KIAA0513: variants seen among roughly 807,000 people sequenced by gnomAD.
KIAA0513 encodes uncharacterized protein KIAA0513.
KIAA0513 carries 39 observed loss-of-function variants against 56.5 expected under a neutral mutation model. The observed-to-expected ratio is 0.69, with a 90% CI of 0.53 to 0.90. The LOEUF (loss-of-function observed/expected upper bound fraction) is 0.90, where lower values mean the gene tolerates loss of function less well. Among genes scored for constraint, KIAA0513 ranks in the 40% least tolerant of loss-of-function variants. The pLI, the probability that KIAA0513 is intolerant of heterozygous loss-of-function variation, is 0.00. For missense variants in KIAA0513, 591 were observed against 535.2 expected (o/e 1.10, Z -1.03); for synonymous variants, 268 against 215.6 (o/e 1.24, Z -2.13).
At chr16:85,060,759 A>T (rs2073392477) in intron 1 of KIAA0513, among the ~76,000 whole-genome samples, 1 of 151,836 alleles carries the variant, frequency 6.6e-6, no homozygotes, top group African/African-American at 2.4e-5. Flanking sequence ...CAGGAGGATC[A>T]CTTGAGCACA....
At position 85,077,616 on chromosome 16, in the gene KIAA0513, C is replaced by T; in HGVS notation, c.766C>T (p.Leu256=). ...GCTGGAGACCAAGCTGAAGGGGCCC[C>T]TGGCCAGGAGGAACGAGTACGTGTG... ...GGLETKLKGP[L]ARRNEEDENK... is the part of the protein sequence containing the mutation. Residue 256 remains leucine, a synonymous_variant, in exon 6 of 13, where the codon CTG becomes TTG. Coordinates refer to ENST00000683363, the MANE Select transcript of KIAA0513 (RefSeq NM_001388359.1). 1 of 1,612,284 alleles carries T rather than the reference C, an allele frequency of 6.2e-7. No individual in the cohort carries two copies.
At chr16:85,067,802 T>C (rs2073510363) in intron 2 of KIAA0513, among the ~76,000 whole-genome samples, 1 of 152,122 alleles carries the variant, frequency 6.6e-6, no homozygotes, top group South Asian at 2.1e-4. Context: ...TATTTTCTTT[T>C]CTTTTTTTCT....
chr16:85,028,780 G>A (rs911524593), intron 1 of KIAA0513, among the ~76,000 whole-genome samples: 2 of 152,192 alleles, frequency 1.3e-5, no homozygotes, highest in African/African-American at 4.8e-5. Flanking sequence ...CCTCCAGATT[G>A]AGCAGGAACA....
At position 85,076,067 on chromosome 16, in the gene KIAA0513, G is replaced by A. The variant is rs566258063; in HGVS notation, c.574+153G>A. ...TGTTAGGGAGGAGTGAGACTTCGGA[G>A]AAAACACAGTCCGAATCATGGGGCA... On this transcript the variant is annotated intron_variant, in intron 5 of 12. Transcript: ENST00000683363. This position sits in a 1 kb window ranked among gnomAD's most constrained non-coding sequence, Gnocchi z 4.7. Among the ~76,000 whole-genome samples the A allele has an allele frequency of 1.3e-5, 2 of 152,300 alleles. No individual in the cohort carries two copies. The highest frequency in any genetic ancestry group is 2.1e-4 in the South Asian group (1 of 4,832).
At chr16:85,077,374 G>T in intron 5 of KIAA0513, 51 bp from the exon 6 acceptor site, 1 of 1,567,638 alleles carries the variant, frequency 6.4e-7, no homozygotes, top group Non-Finnish European at 8.7e-7. Context: ...GCAGTTAGCA[G>T]GCGCATACCC....
intron 10 of KIAA0513, among the ~76,000 whole-genome samples, chr16:85,083,427 C>G: frequency 6.6e-6 from 1 of 152,320 alleles, no homozygotes. Flanking sequence ...TGCAGACTTA[C>G]GGCTTTCAAA....
At chr16:85,083,885 T>A (rs768675807) in intron 10 of KIAA0513, among the ~76,000 whole-genome samples, 22 of 152,152 alleles carry the variant, frequency 1.4e-4, no homozygotes, top group Admixed American at 4.6e-4. Context: ...GACAGCAAGA[T>A]GCCATTATCA....
chr16:85,034,656 G>A (rs1178929522), intron 1 of KIAA0513, among the ~76,000 whole-genome samples: 2 of 152,242 alleles, frequency 1.3e-5, no homozygotes, highest in Non-Finnish European at 2.9e-5. Context: ...AAAATAGTGT[G>A]GTTGTTATTA....
chr16:85,033,932 C>G (rs1471665112), intron 1 of KIAA0513, among the ~76,000 whole-genome samples: 1 of 152,128 alleles, frequency 6.6e-6, no homozygotes, highest in Non-Finnish European at 1.5e-5. Context: ...TTTCTTGTGT[C>G]TCCTTCCAGA....
chr16:85,033,825 G>C (rs531820790), intron 1 of KIAA0513, among the ~76,000 whole-genome samples: 6 of 152,272 alleles, frequency 3.9e-5, no homozygotes, highest in Admixed American at 2.6e-4. Flanking sequence ...TGTGCAGATG[G>C]TACCAAATTC....
At chr16:85,036,968 CTT>C (rs2073044381) in intron 1 of KIAA0513, among the ~76,000 whole-genome samples, 1 of 152,132 alleles carries the variant, frequency 6.6e-6, no homozygotes, top group African/African-American at 2.4e-5. Flanking sequence ...ATTCCAGAAA[CTT>C]TCTCCTGCCT....
At chr16:85,041,217 G>A (rs900004209) in intron 1 of KIAA0513, among the ~76,000 whole-genome samples, 14 of 152,110 alleles carry the variant, frequency 9.2e-5, no homozygotes, top group African/African-American at 3.4e-4. Flanking sequence ...CAACTAGGTC[G>A]GAATCAGTCT....
At chr16:85,079,172 G>A in intron 8 of KIAA0513, 169 bp downstream of exon 8, 1 of 1,379,658 alleles carries the variant, frequency 7.2e-7, no homozygotes, top group Non-Finnish European at 9.6e-7. Context: ...TGAGGATGTG[G>A]AGAAACTGGA....
At chr16:85,053,069 A>C (rs556520728) in intron 1 of KIAA0513, among the ~76,000 whole-genome samples, 1 of 151,846 alleles carries the variant, frequency 6.6e-6, no homozygotes, top group Non-Finnish European at 1.5e-5. Context: ...TGTAGTTTTT[A>C]ATAGAAACAG....
chr16:85,041,471 G>A (rs149640123), intron 1 of KIAA0513, among the ~76,000 whole-genome samples: 19 of 152,258 alleles, frequency 1.2e-4, no homozygotes, highest in African/African-American at 2.2e-4. Flanking sequence ...CTCTGTATGC[G>A]TCTCTCTGGA....
chr16:85,043,449 T>A (rs2073130086), intron 1 of KIAA0513, among the ~76,000 whole-genome samples: 2 of 130,278 alleles, frequency 1.5e-5, no homozygotes, highest in South Asian at 5.7e-4. Context: ...TCTCGCTCCA[T>A]CACCCAGGCT....
At chr16:85,087,018 C>T (rs373602392) in intron 11 of KIAA0513, 54 bp from the exon 12 acceptor site, 29 of 1,537,496 alleles carry the variant, frequency 1.9e-5, no homozygotes, top group Admixed American at 1.5e-4. Context: ...CCCAGCTCCC[C>T]GGCCCTTTCC....
At chr16:85,036,902 A>G (rs1250842668) in intron 1 of KIAA0513, among the ~76,000 whole-genome samples, 1 of 152,084 alleles carries the variant, frequency 6.6e-6, no homozygotes, top group African/African-American at 2.4e-5. Flanking sequence ...TGCTCAATAG[A>G]GGAAGAACCT....
Position 85,094,013 on chromosome 16 carries a change from A to C in KIAA0513, c.*5688A>C, listed in dbSNP as rs951842799. On this transcript the variant is annotated 3_prime_UTR_variant, in exon 13 of 13. Transcript: ENST00000683363. ...TGTTGGTAGCCCCCAAGTGGCGTGC[A>C]GTGACACCAGTATCTTCTCTGTTGC... 1 of 152,302 alleles carries C rather than the reference A, an allele frequency of 6.6e-6. No homozygotes were observed. Among genetic ancestry groups the C allele is most frequent in the Admixed American group, 6.5e-5 (1 of 15,300 alleles). The allele number at this position is 152,302 out of a possible 1,614,324, so 9.4% of individuals were successfully genotyped here. A position where few individuals can be genotyped will look rare whatever the true frequency, so the allele number is the denominator to read the frequency against.
Sources: gnomAD v4.1 joint callset for allele counts (sites outside exome capture counted in the v4.1 genomes callset) on GRCh38, gnomAD v4.1.1 for gene constraint, Gnocchi (gnomAD v3.1) non-coding constraint, MANE v1.5 for transcripts, NCBI Gene and HGNC (gene_info 2026-07-23, HGNC 2026-07-21) for gene names.